Variants in FAXDC2 observed in about 807,000 individuals in gnomAD.
The protein encoded by FAXDC2 is fatty acid hydroxylase domain-containing protein 2.
FAXDC2 carries 41 observed loss-of-function variants against 40.9 expected under a neutral mutation model. The ratio of observed to expected loss-of-function variants is 1.00; its 90% confidence interval spans 0.78 to 1.30. The LOEUF (loss-of-function observed/expected upper bound fraction) is 1.30, where lower values mean the gene tolerates loss of function less well. Among genes scored for constraint, FAXDC2 ranks in the 50% most tolerant of loss-of-function variants. The pLI is 0.00. For synonymous variants in FAXDC2, 157 were observed against 149.3 expected (o/e 1.05, Z -0.38); for missense variants, 390 against 408.8 (o/e 0.95, Z 0.40).
chr5:154,834,163 A>G (rs529065691), intron 4 of FAXDC2, among the ~76,000 whole-genome samples: 1 of 151,918 alleles, frequency 6.6e-6, no homozygotes, highest in Non-Finnish European at 1.5e-5. Context: ...ATAAATATCT[A>G]TGTTTACATG....
chr5:154,843,360 C>G (rs1760526275), intron 1 of FAXDC2, among the ~76,000 whole-genome samples: 1 of 152,198 alleles, frequency 6.6e-6, no homozygotes, highest in Non-Finnish European at 1.5e-5. Context: ...AGGAGCTCAT[C>G]CATTCCTTCC....
chr5:154,821,141 A>C (rs1759877013), intron 8 of FAXDC2, 119 bp downstream of exon 8: 1 of 863,322 alleles, frequency 1.2e-6, no homozygotes, highest in South Asian at 1.5e-5. Flanking sequence ...CAGCCATCAG[A>C]CCTCTTCCCC....
intron 1 of FAXDC2, chr5:154,838,484 C>A: frequency 2.9e-6 from 1 of 343,114 alleles, no homozygotes. Context: ...CTACGTTGCC[C>A]AGGCTGGTCT....
At chr5:154,847,018 C>A (rs1760616003) in intron 1 of FAXDC2, among the ~76,000 whole-genome samples, 2 of 152,012 alleles carry the variant, frequency 1.3e-5, no homozygotes, top group African/African-American at 4.8e-5. Context: ...GACTGAAGTA[C>A]AATGGCTCAA....
At chr5:154,823,334 T>G in intron 6 of FAXDC2, 53 bp downstream of exon 6, 16 of 1,545,068 alleles carry the variant, frequency 1.0e-5, no homozygotes, top group Non-Finnish European at 1.2e-5. Flanking sequence ...TGTTGATCAG[T>G]GAGCCCTAGA....
At chr5:154,842,918 C>A (rs1159066576) in intron 1 of FAXDC2, among the ~76,000 whole-genome samples, 1 of 152,000 alleles carries the variant, frequency 6.6e-6, no homozygotes, top group African/African-American at 2.4e-5. Flanking sequence ...AGAGATCCTC[C>A]TGCCTCAGCC....
chr5:154,828,347 C>A lies in FAXDC2; in HGVS notation c.366+2454G>T, dbSNP rs147445870. ...TTTTTTAGATGGAAAAAATTTACCA[C>A]GTTTGTAATAATCTAGAGAGGAATA... On this transcript the variant is annotated intron_variant, in intron 5 of 8. Coordinates refer to ENST00000326080, the MANE Select transcript of FAXDC2 (RefSeq NM_032385.5). Among the ~76,000 whole-genome samples, 430 of 151,666 alleles carry A rather than the reference C, an allele frequency of 2.8e-3. 5 individuals are homozygous for A. Among genetic ancestry groups the A allele is most frequent in the African/African-American group, 9.8e-3 (405 of 41,314 alleles).
chr5:154,846,167 T>C (rs1760594927), intron 1 of FAXDC2, among the ~76,000 whole-genome samples: 2 of 151,920 alleles, frequency 1.3e-5, no homozygotes, highest in South Asian at 2.1e-4. Context: ...TACAAAAGTA[T>C]AGAATACATT....
At chr5:154,837,086 A>T (rs907586279) in intron 2 of FAXDC2, among the ~76,000 whole-genome samples, 2 of 152,020 alleles carry the variant, frequency 1.3e-5, no homozygotes, top group South Asian at 4.1e-4. Flanking sequence ...GCATTATCCT[A>T]TCCCACTTCT....
intron 4 of FAXDC2, among the ~76,000 whole-genome samples, chr5:154,833,577 C>A (rs1760245615): frequency 6.6e-6 from 1 of 152,034 alleles, no homozygotes. Context: ...TGGTCTCGAA[C>A]CCCTGACTTC....
At chr5:154,838,310 C>A in intron 1 of FAXDC2, 132 bp from the exon 2 acceptor site, 1 of 733,738 alleles carries the variant, frequency 1.4e-6, no homozygotes, top group Non-Finnish European at 2.3e-6. Context: ...TGTTGTTCTT[C>A]CTGAAACCAG....
intron 8 of FAXDC2, chr5:154,820,692 A>C: frequency 2.2e-6 from 1 of 457,130 alleles, no homozygotes; most frequent in Non-Finnish European, 4.0e-6. Flanking sequence ...TCCTCCTTTG[A>C]AAAGCTTGCT....
At chr5:154,841,031 CAG>C (rs143057635) in intron 1 of FAXDC2, among the ~76,000 whole-genome samples, 12,204 of 152,178 alleles carry the variant, frequency 0.08, 539 homozygotes, top group Admixed American at 0.14. Flanking sequence ...AAGAGCCTCT[CAG>C]GGAGAAATAC....
chr5:154,834,525 A>G, intron 4 of FAXDC2, 100 bp downstream of exon 4: 3 of 862,272 alleles, frequency 3.5e-6, no homozygotes, highest in Non-Finnish European at 5.6e-6. Context: ...CCCTTGGAAT[A>G]ATAAACTGAA....
intron 5 of FAXDC2, among the ~76,000 whole-genome samples, chr5:154,826,252 G>T (rs1245630232): frequency 6.6e-6 from 1 of 152,160 alleles, no homozygotes; most frequent in Non-Finnish European, 1.5e-5. Context: ...GGGGAGCCGG[G>T]CGCGGTGGCT....
At chr5:154,834,540 C>A in intron 4 of FAXDC2, 85 bp downstream of exon 4, 1 of 1,018,348 alleles carries the variant, frequency 9.8e-7, no homozygotes, top group South Asian at 1.4e-5. Context: ...ACTGAAAAGT[C>A]CCAAAGTAGA....
In FAXDC2 at chr5:154,820,243, G is replaced by A; in HGVS notation, c.*73C>T. ...GGCGTGTGGCCGAAGGAGGCAAATT[G>A]TTAGGTGCAATCAGGAAGCCGTGTC... On this transcript the variant is annotated 3_prime_UTR_variant, in exon 9 of 9. Coordinates refer to ENST00000326080, the MANE Select transcript of FAXDC2 (RefSeq NM_032385.5). 2 of 1,314,502 alleles carry A rather than the reference G, an allele frequency of 1.5e-6. No individual in the cohort carries two copies. Among genetic ancestry groups the A allele is most frequent in the East Asian group, 2.5e-5 (1 of 39,234 alleles). 81.4% of individuals were successfully genotyped at this position (1,314,502 alleles called of 1,614,324 possible).
chr5:154,823,423 G>T lies in FAXDC2; in HGVS notation c.536C>A (p.Thr179Lys). The change falls in exon 6 of 9, where the codon ACG becomes AAG. Residue 179 changes from threonine to lysine, a missense_variant. Physicochemically the swap from Thr to Lys is moderately conservative, Grantham distance 78. Coordinates refer to ENST00000326080, the MANE Select transcript of FAXDC2 (RefSeq NM_032385.5). ...HWFLLELAIF[T>K]LIEEVLFYYS... ...GTAGAACAAGACTTCCTCGATCAGC[G>T]TGAAGATGGCCAGCTCCAGGAGGAA... 1 of 1,614,038 alleles carries T rather than the reference G, an allele frequency of 6.2e-7. No individual in the cohort carries two copies. The highest frequency in any genetic ancestry group is 8.5e-7 in the Non-Finnish European group (1 of 1,180,032).
chr5:154,820,311 G>C lies in FAXDC2; in HGVS notation c.*5C>G. 1 of 1,600,194 alleles carries C rather than the reference G, an allele frequency of 6.2e-7. No individual in the cohort carries two copies. Among genetic ancestry groups the C allele is most frequent in the South Asian group, 1.1e-5 (1 of 88,374 alleles). Reference sequence around the variant, plus strand: ...GGACAGCCAGGATGACACTTAGGCTGTCTCTCACTCCATCCTCTTTGGGGA... The same window carrying C: ...GGACAGCCAGGATGACACTTAGGCTCTCTCTCACTCCATCCTCTTTGGGGA... On this transcript the variant is annotated 3_prime_UTR_variant, in exon 9 of 9. Transcript: ENST00000326080.
Sources: allele counts gnomAD v4.1 joint callset (sites outside exome capture counted in the v4.1 genomes callset), GRCh38; gene constraint gnomAD v4.1.1; transcripts MANE v1.5; gene names NCBI Gene and HGNC (gene_info 2026-07-23, HGNC 2026-07-21).